MATN2: variants seen among roughly 807,000 people sequenced by gnomAD.
The protein encoded by MATN2 is matrilin 2, also known as matrilin-2.
A neutral mutation model predicts 103.2 loss-of-function variants in MATN2; 69 were observed. The ratio of observed to expected loss-of-function variants is 0.67; its 90% confidence interval spans 0.55 to 0.82. The LOEUF is 0.82. MATN2 is among the 40% of genes least tolerant of loss of function. MATN2 has a pLI of 0.00. For missense variants in MATN2, 1,023 were observed against 1,211.5 expected (o/e 0.84, Z 2.31); for synonymous variants, 429 against 450.2 (o/e 0.95, Z 0.60).
intron 5 of MATN2, among the ~76,000 whole-genome samples, chr8:97,962,100 C>T (rs1811332816): frequency 6.6e-6 from 1 of 152,204 alleles, no homozygotes; most frequent in Non-Finnish European, 1.5e-5. Flanking sequence ...AAGGGCAGTG[C>T]TTGATGCTGC....
At chr8:98,001,068 A>G (rs1197346520) in intron 7 of MATN2, among the ~76,000 whole-genome samples, 2 of 152,202 alleles carry the variant, frequency 1.3e-5, no homozygotes, top group Non-Finnish European at 2.9e-5. Flanking sequence ...TCGTCAAATA[A>G]CTTTTGGGCA....
chr8:97,890,202 C>T (rs184201801), intron 2 of MATN2, among the ~76,000 whole-genome samples: 133 of 152,254 alleles, frequency 8.7e-4, no homozygotes, highest in Non-Finnish European at 5.0e-4. Flanking sequence ...CATGGTGGCT[C>T]ACACCTGCAA....
intron 13 of MATN2, chr8:98,025,476 C>T (rs900420083): frequency 1.3e-5 from 3 of 225,616 alleles, no homozygotes; most frequent in Admixed American, 1.1e-4. Context: ...TGGCCCAGCA[C>T]GGTGGCTCAC....
chr8:97,941,161 C>CAAAAAAAAAAAAAAAAAA (rs1186024165), intron 3 of MATN2, among the ~76,000 whole-genome samples: 38 of 77,984 alleles, frequency 4.9e-4, no homozygotes, highest in South Asian at 7.9e-4. Flanking sequence ...GACCTTGTCT[C>CAAAAAAAAAAAAAAAAAA]AAAAAAAAAA....
intron 2 of MATN2, among the ~76,000 whole-genome samples, chr8:97,919,716 C>T (rs1314182476): frequency 6.6e-6 from 1 of 151,850 alleles, no homozygotes; most frequent in Non-Finnish European, 1.5e-5. Context: ...CATGTACACA[C>T]CAAAGGGAAT....
In MATN2 at chr8:97,888,331, C is replaced by A. The variant is rs746448497; in HGVS notation, c.142+89C>A. 23 of 1,345,752 alleles carry A rather than the reference C, an allele frequency of 1.7e-5. No homozygotes were observed. The Admixed American group carries it at 1.8e-4, about 11-fold the overall frequency. The allele number at this position is 1,345,752 out of a possible 1,614,324, so 83.4% of individuals were successfully genotyped here. A position where few individuals can be genotyped will look rare whatever the true frequency, so the allele number is the denominator to read the frequency against. On this transcript the variant is annotated intron_variant, in intron 2 of 18. Coordinates refer to ENST00000254898, the MANE Select transcript of MATN2 (RefSeq NM_002380.5). ...CAGGGATTGGTGACTGTTTGAGAAG[C>A]TTTCCTTTCCCTGGGTCCTTGTTGG... is the stretch of plus-strand genomic sequence containing the variant.
At position 98,030,517 on chromosome 8, in the gene MATN2, G is replaced by A. The variant is rs1170400824; in HGVS notation, c.2412G>A (p.Glu804=). ...AAGCCATTGAGGAGGAACTACAAGA[G>A]ATTGCCTCTGAGCCCACAAACAAGC... ...VGKAIEEELQ[E]IASEPTNKHL... is the part of the protein sequence containing the mutation. Residue 804 remains glutamate, a synonymous_variant, in exon 15 of 19, where the codon GAG becomes GAA. Transcript: ENST00000254898. 1.2e-6 allele frequency: 2 copies of A among 1,613,826 alleles called. No individual in the cohort carries two copies. The highest frequency in any genetic ancestry group is 1.7e-6 in the Non-Finnish European group (2 of 1,179,878).
At chr8:97,929,925 G>A (rs1419465798) in intron 2 of MATN2, among the ~76,000 whole-genome samples, 1 of 152,194 alleles carries the variant, frequency 6.6e-6, no homozygotes, top group African/African-American at 2.4e-5. Context: ...ATATTTCTCA[G>A]TCTGAAAGGA....
At chr8:97,928,420 G>A (rs536287823) in intron 2 of MATN2, among the ~76,000 whole-genome samples, 3 of 152,092 alleles carry the variant, frequency 2.0e-5, no homozygotes, top group East Asian at 3.9e-4. Context: ...TAGATTTGGC[G>A]CTTCACCATG....
chr8:97,941,778 G>T lies in MATN2; in HGVS notation c.714G>T (p.Thr238=). 6.3e-7 allele frequency: 1 copy of T among 1,589,262 alleles called. No individual in the cohort carries two copies. Among genetic ancestry groups the T allele is most frequent in the South Asian group, 1.1e-5 (1 of 87,458 alleles). The part of the protein sequence containing the change: ...LTSVFQKKLC[T]AHMCSTLEHN... ...ACCTTCCTGTGTCTTCCCTTTCAGC[G>T]GCCCATATGTGCAGCACCCTGGAGC... is the stretch of plus-strand genomic sequence containing the variant. Residue 238 remains threonine, a splice_region_variant and synonymous_variant, in exon 4 of 19, where the codon ACG becomes ACT. Transcript: ENST00000254898.
At chr8:97,996,138 G>A (rs981421662) in intron 7 of MATN2, among the ~76,000 whole-genome samples, 2 of 152,204 alleles carry the variant, frequency 1.3e-5, no homozygotes, top group South Asian at 4.1e-4. Flanking sequence ...CTCATTGCAA[G>A]CTTCCTCATG....
At chr8:97,965,712 G>A (rs543988202) in intron 5 of MATN2, among the ~76,000 whole-genome samples, 1 of 152,238 alleles carries the variant, frequency 6.6e-6, no homozygotes, top group South Asian at 2.1e-4. Flanking sequence ...TGGATGTGGT[G>A]GCTCATGCCT....
chr8:98,034,604 A>G (rs1814167134), intron 18 of MATN2, among the ~76,000 whole-genome samples: 1 of 152,190 alleles, frequency 6.6e-6, no homozygotes, highest in Non-Finnish European at 1.5e-5. Flanking sequence ...AGGAGCTTAC[A>G]GGGAAGACCA....
Position 98,007,095 on chromosome 8 carries a change from GA to G in MATN2, c.1328-6del. 1.2e-6 allele frequency: 2 copies of G among 1,603,512 alleles called. No homozygotes were observed. Among genetic ancestry groups the G allele is most frequent in the Non-Finnish European group, 8.5e-7 (1 of 1,174,662 alleles). ...GGCTCCTCTATGCTTTCGCGTGTGTGAAAATGCAGGAGTGGACCACTGTGCA... is the reference window on the plus strand; with the variant it reads ...GGCTCCTCTATGCTTTCGCGTGTGTGAAATGCAGGAGTGGACCACTGTGCA... On this transcript the variant is annotated splice_polypyrimidine_tract_variant and intron_variant, in intron 8 of 18. Coordinates refer to ENST00000254898, the MANE Select transcript of MATN2 (RefSeq NM_002380.5). This position sits in a 1 kb window ranked among gnomAD's most constrained non-coding sequence, Gnocchi z 4.2.
intron 1 of MATN2, among the ~76,000 whole-genome samples, chr8:97,884,178 T>C (rs1818348290): frequency 1.3e-5 from 2 of 151,870 alleles, no homozygotes. Flanking sequence ...TTTGCTCTTG[T>C]TGCCCAGGTT....
intron 2 of MATN2, among the ~76,000 whole-genome samples, chr8:97,911,426 G>A (rs1809427765): frequency 1.3e-5 from 2 of 152,134 alleles, no homozygotes; most frequent in East Asian, 1.9e-4. Context: ...ATAAAGTTAT[G>A]GTCCGGGTGC....
At chr8:97,920,327 C>A (rs1396467213) in intron 2 of MATN2, among the ~76,000 whole-genome samples, 3 of 152,178 alleles carry the variant, frequency 2.0e-5, no homozygotes, top group Non-Finnish European at 4.4e-5. Context: ...CCTGCCTCAG[C>A]CTCCTGAGTA....
chr8:98,006,429 A>G (rs1485047549), intron 8 of MATN2, among the ~76,000 whole-genome samples: 5 of 152,186 alleles, frequency 3.3e-5, no homozygotes, highest in Admixed American at 6.5e-5. Flanking sequence ...TTCTCACCCT[A>G]TTCCTATAAG....
intron 10 of MATN2, among the ~76,000 whole-genome samples, chr8:98,009,813 G>A (rs986143185): frequency 6.6e-6 from 1 of 152,164 alleles, no homozygotes; most frequent in South Asian, 2.1e-4. Flanking sequence ...ACGTTTCCCT[G>A]AGATTGACCT....
Sources: allele counts gnomAD v4.1 joint callset (sites outside exome capture counted in the v4.1 genomes callset), GRCh38; gene constraint gnomAD v4.1.1; non-coding constraint Gnocchi (gnomAD v3.1); transcripts MANE v1.5; gene names NCBI Gene and HGNC (gene_info 2026-07-23, HGNC 2026-07-21).